STX18: variants seen among roughly 807,000 people sequenced by gnomAD.
The protein encoded by STX18 is syntaxin 18.
STX18 carries 40 observed loss-of-function variants against 50.1 expected under a neutral mutation model. The observed-to-expected ratio is 0.80, with a 90% CI of 0.62 to 1.04. The LOEUF (loss-of-function observed/expected upper bound fraction) is 1.04, where lower values mean the gene tolerates loss of function less well. Ranked by LOEUF, STX18 falls within the 50% of genes least tolerant of loss-of-function variation. The probability of loss-of-function intolerance (pLI) is 0.00; values close to 1 mark genes in which losing one functional copy is unlikely to be tolerated. For missense variants in STX18, 410 were observed against 415.8 expected (o/e 0.99, Z 0.12); for synonymous variants, 158 against 151.8 (o/e 1.04, Z -0.30).
intron 8 of STX18, 89 bp from the exon 9 acceptor site, chr4:4,423,676 T>C: frequency 7.6e-7 from 1 of 1,308,516 alleles, no homozygotes; most frequent in Non-Finnish European, 1.1e-6. Flanking sequence ...TCCTATCTTC[T>C]ACGTGAAGGT....
intron 5 of STX18, among the ~76,000 whole-genome samples, chr4:4,446,362 C>T (rs576059224): frequency 1.2e-3 from 188 of 152,164 alleles, no homozygotes; most frequent in Non-Finnish European, 1.2e-3. Flanking sequence ...CCAAGAGACA[C>T]CATTAAGAAA....
At chr4:4,423,418 G>T in intron 9 of STX18, 100 bp downstream of exon 9, 1 of 1,139,966 alleles carries the variant, frequency 8.8e-7, no homozygotes, top group Non-Finnish European at 1.3e-6. Context: ...CTCTGCTCCT[G>T]GCTGTGTAGA....
chr4:4,427,036 C>A (rs1351946805), intron 7 of STX18, among the ~76,000 whole-genome samples: 1 of 152,186 alleles, frequency 6.6e-6, no homozygotes, highest in African/African-American at 2.4e-5. Flanking sequence ...TTACCAAGTT[C>A]CCCTGTACTT....
At position 4,420,051 on chromosome 4, in the gene STX18, C is replaced by A; in HGVS notation, c.991G>T (p.Asp331Tyr). The A allele has an allele frequency of 1.9e-6, 3 of 1,612,580 alleles. No individual in the cohort carries two copies. Among genetic ancestry groups the A allele is most frequent in the Non-Finnish European group, 2.5e-6 (3 of 1,179,376 alleles). The change falls in exon 11 of 11, where the codon GAC becomes TAC. Residue 331 changes from aspartate (D) to tyrosine (Y), a missense_variant. Transcript: ENST00000306200. This position sits in a 1 kb window ranked among gnomAD's most constrained non-coding sequence, Gnocchi z 4.3. ...GGCCCTGGCTAGCTGTCGTACCAGT[C>A]GAGGAAGAGCAAGGAGAAGGAGCAC... ...VMCSFSLLFL[D>Y]WYDS
At chr4:4,515,296 TG>T (rs1730199444) in intron 1 of STX18, among the ~76,000 whole-genome samples, 1 of 152,190 alleles carries the variant, frequency 6.6e-6, no homozygotes, top group Non-Finnish European at 1.5e-5. Context: ...ATAATTGTAA[TG>T]TGAATAACTG....
chr4:4,466,990 G>A (rs1727648314), intron 2 of STX18, among the ~76,000 whole-genome samples: 1 of 152,054 alleles, frequency 6.6e-6, no homozygotes. Flanking sequence ...CTGTCCTCTT[G>A]CACAGAGTCA....
intron 5 of STX18, 80 bp downstream of exon 5, chr4:4,457,111 G>GT: frequency 2.3e-6 from 3 of 1,313,570 alleles, no homozygotes; most frequent in Non-Finnish European, 3.3e-6. Context: ...ATTGCATAGG[G>GT]TAAGTGCTCT....
Position 4,420,367 on chromosome 4 carries a change from C to G in STX18, c.913-238G>C. 1 of 512,164 alleles carries G rather than the reference C, an allele frequency of 2.0e-6. No individual in the cohort carries two copies. The highest frequency in any genetic ancestry group is 2.3e-5 in the South Asian group (1 of 44,076). The allele number at this position is 512,164 out of a possible 1,614,324, so 31.7% of individuals were successfully genotyped here. A position where few individuals can be genotyped will look rare whatever the true frequency, so the allele number is the denominator to read the frequency against. On this transcript the variant is annotated intron_variant, in intron 10 of 10. Coordinates refer to ENST00000306200, the MANE Select transcript of STX18 (RefSeq NM_016930.4). This position sits in a 1 kb window ranked among gnomAD's most constrained non-coding sequence, Gnocchi z 4.3. ...CACAATTCTCCCTCAACACAACTCTCGGAATCACTCCCTTCTGTCCCAGGG... is the reference window on the plus strand; with the variant it reads ...CACAATTCTCCCTCAACACAACTCTGGGAATCACTCCCTTCTGTCCCAGGG...
At chr4:4,426,202 A>C (rs1725235393) in intron 7 of STX18, 1 of 152,236 alleles carries the variant, frequency 6.6e-6, no homozygotes, top group Non-Finnish European at 1.5e-5. Flanking sequence ...CTTGTAATAA[A>C]CTGTGCCCAT....
intron 1 of STX18, among the ~76,000 whole-genome samples, chr4:4,491,246 C>T (rs1728929056): frequency 6.6e-6 from 1 of 152,062 alleles, no homozygotes; most frequent in Non-Finnish European, 1.5e-5. Context: ...CAACAGCATT[C>T]ATCCATATTA....
At chr4:4,475,864 T>TC (rs1728149858) in intron 1 of STX18, among the ~76,000 whole-genome samples, 1 of 152,060 alleles carries the variant, frequency 6.6e-6, no homozygotes, top group Non-Finnish European at 1.5e-5. Flanking sequence ...CAAGTGATCC[T>TC]CCCCCCTTGG....
intron 1 of STX18, among the ~76,000 whole-genome samples, chr4:4,474,974 C>T (rs955534894): frequency 1.4e-4 from 21 of 152,224 alleles, no homozygotes; most frequent in African/African-American, 5.1e-4. Context: ...TTACTATCCA[C>T]AACAGGTGTT....
chr4:4,508,317 T>C (rs553113287), intron 1 of STX18, among the ~76,000 whole-genome samples: 3 of 152,320 alleles, frequency 2.0e-5, no homozygotes, highest in South Asian at 2.1e-4. Flanking sequence ...ACCTATCTCT[T>C]TGAACTGTCC....
rs969311735 is a variant in STX18, at chr4:4,541,854, C to G, written c.111G>C (p.Glu37Asp). ...TGGGCCGGGGGCTCCGGCGGAACAG[C>G]TCGTCCCGGCTGCCATCGACCCCGC... ...VGGGVDGSRD[E>D]LFRRSPRPKG... is the part of the protein sequence containing the mutation. Residue 37 changes from glutamate to aspartate, a missense_variant, in exon 1 of 11, where the codon GAG (glutamate) becomes GAC (aspartate). Transcript: ENST00000306200. 9 of 1,611,028 alleles carry G rather than the reference C, an allele frequency of 5.6e-6. No individual in the cohort carries two copies. Among genetic ancestry groups the G allele is most frequent in the Non-Finnish European group, 6.8e-6 (8 of 1,179,224 alleles).
At chr4:4,422,714 AAG>A (rs1725034171) in intron 9 of STX18, among the ~76,000 whole-genome samples, 2 of 152,238 alleles carry the variant, frequency 1.3e-5, no homozygotes, top group Non-Finnish European at 2.9e-5. Flanking sequence ...TGTTATTAAA[AAG>A]GGCGACTCCT....
At chr4:4,542,316 C>G (rs2108943021), upstream of STX18, 1 of 210,132 alleles carries the variant, frequency 4.8e-6, no homozygotes, top group Admixed American at 6.0e-5. Context: ...TAGGAGGCTC[C>G]TTCCCTTCTG....
rs1189648362 is a variant in STX18, at chr4:4,419,399, T to G, written c.*635A>C. The G allele has an allele frequency of 6.6e-6, 1 of 152,252 alleles. No individual in the cohort carries two copies. The highest frequency in any genetic ancestry group is 1.5e-5 in the Non-Finnish European group (1 of 68,066). 9.4% of individuals were successfully genotyped at this position (152,252 alleles called of 1,614,324 possible). A position where few individuals can be genotyped will look rare whatever the true frequency, so the allele number is the denominator to read the frequency against. ...ACTGAGGGCCCCAGTCTCCCCTGCA[T>G]TTCTTCCCTGATTGATTGATAGGAG... On this transcript the variant is annotated 3_prime_UTR_variant, in exon 11 of 11. Coordinates refer to ENST00000306200, the MANE Select transcript of STX18 (RefSeq NM_016930.4).
chr4:4,536,734 A>G (rs1731353868), intron 1 of STX18, among the ~76,000 whole-genome samples: 1 of 152,236 alleles, frequency 6.6e-6, no homozygotes, highest in Admixed American at 6.5e-5. Context: ...ATTTCAGCCA[A>G]AGATTCAAGA....
chr4:4,485,641 C>T (rs891496331), intron 1 of STX18, among the ~76,000 whole-genome samples: 1 of 152,116 alleles, frequency 6.6e-6, no homozygotes, highest in Non-Finnish European at 1.5e-5. Flanking sequence ...ACGGCAGATT[C>T]GCAAGCCCCA....
Sources: allele counts gnomAD v4.1 joint callset (sites outside exome capture counted in the v4.1 genomes callset), GRCh38; gene constraint gnomAD v4.1.1; non-coding constraint Gnocchi (gnomAD v3.1); transcripts MANE v1.5; gene names NCBI Gene and HGNC (gene_info 2026-07-23, HGNC 2026-07-21).